The following ZNF518B variants were observed in gnomAD, a reference collection of about 807,000 sequenced individuals.
ZNF518B encodes zinc finger protein 518B.
A neutral mutation model predicts 56.3 loss-of-function variants in ZNF518B; 23 were observed. That is an observed-to-expected ratio of 0.41 (90% CI 0.29 to 0.58). The LOEUF (loss-of-function observed/expected upper bound fraction) is 0.58. ZNF518B is among the 20% of genes least tolerant of loss of function. The pLI is 0.32. For synonymous variants in ZNF518B, 529 were observed against 465.9 expected (o/e 1.14, Z -1.74); for missense variants, 1,460 against 1,272.1 (o/e 1.15, Z -2.25).
rs1211010494 is a variant in ZNF518B, at chr4:10,446,282, CCGCCGTTCAAGTG to C, written c.34_46del (p.His12AspfsTer5). On this transcript the variant is annotated frameshift_variant, in exon 3 of 3. Transcript: ENST00000326756. LOFTEE classifies it low-confidence loss of function (END_TRUNC). Reference sequence around the variant, plus strand: ...GGGTGACATGGTCAAGGAATTATGTCCGCCGTTCAAGTGTGTAGTGTATAGCTGCTGTCCAATA... The same window carrying C: ...GGGTGACATGGTCAAGGAATTATGTCTGTAGTGTATAGCTGCTGTCCAATA... 6.2e-7 allele frequency: 1 copy of C among 1,614,090 alleles called. No individual in the cohort carries two copies. Among genetic ancestry groups the C allele is most frequent in the African/African-American group, 1.3e-5 (1 of 74,928 alleles).
rs1714593096 is a variant in ZNF518B at position 10,439,892 on chromosome 4, G to C, written c.*3212C>G. 6.6e-6 allele frequency: 1 copy of C among 151,856 alleles called. No individual in the cohort carries two copies. The highest frequency in any genetic ancestry group is 2.4e-5 in the African/African-American group (1 of 40,900). The allele number at this position is 151,856 out of a possible 1,614,324, so 9.4% of individuals were successfully genotyped here. On this transcript the variant is annotated 3_prime_UTR_variant, in exon 3 of 3. Coordinates refer to ENST00000326756, the MANE Select transcript of ZNF518B (RefSeq NM_053042.3). ...ATAACGTTTGAAATCAAAGGGCAAA[G>C]AAAATTTTTGTTGCTTTATTTAACA...
rs765779149 is a variant in ZNF518B, at chr4:10,443,423, T to C, written c.2906A>G (p.Asn969Ser). The C allele has an allele frequency of 9.3e-6, 15 of 1,614,248 alleles. No individual in the cohort carries two copies. Among genetic ancestry groups the C allele is most frequent in the South Asian group, 4.4e-5 (4 of 91,084 alleles). Reference protein sequence around the residue: ...VMKVINKYKGNVLKVVLSERT... With the variant: ...VMKVINKYKGSVLKVVLSERT... ...CTCTGATAAAACAACTTTGAGGACA[T>C]TGCCTTTGTATTTATTTATTACCTT... The change falls in exon 3 of 3, where the codon AAT (asparagine) becomes AGT (serine). Residue 969 changes from asparagine (N) to serine (S), a missense_variant. By Grantham distance (46) the Asn-to-Ser change is conservative. Transcript: ENST00000326756.
At position 10,443,863 on chromosome 4, in the gene ZNF518B, G is replaced by A. The variant is rs775953033; in HGVS notation, c.2466C>T (p.Asp822=). The A allele has an allele frequency of 6.2e-7, 1 of 1,614,200 alleles. No individual in the cohort carries two copies. Among genetic ancestry groups the A allele is most frequent in the Admixed American group, 1.7e-5 (1 of 60,026 alleles). ...CCCTTTCACTTCTTAAAGGCTGTAA[G>A]TCTGAGTCCGCCTGTCTCACAGGGC... ...PFCPVRQADS[D]LQPLRSERGP... Residue 822 remains aspartate (D), a synonymous_variant, in exon 3 of 3, where the codon GAC becomes GAT. Transcript: ENST00000326756.
chr4:10,450,305 C>G (rs1207680827), intron 2 of ZNF518B, among the ~76,000 whole-genome samples: 2 of 152,220 alleles, frequency 1.3e-5, no homozygotes, highest in Non-Finnish European at 2.9e-5. Flanking sequence ...GGCTTCTGAA[C>G]TATGCTCAAG....
In ZNF518B at chr4:10,446,038, A is replaced by T. The variant is rs762619585; in HGVS notation, c.291T>A (p.Asn97Lys). 2 of 1,614,132 alleles carry T rather than the reference A, an allele frequency of 1.2e-6. No individual in the cohort carries two copies. Among genetic ancestry groups the T allele is most frequent in the South Asian group, 2.2e-5 (2 of 91,082 alleles). ...TGGAATTATTGCTCACAAAATGAAA[A>T]TTGGGAGGAGCTGCACCGAGGCTGC... ...FQCSLGAAPP[N>K]FHFVSNNSSA... The change falls in exon 3 of 3, where the codon AAT becomes AAA. Residue 97 changes from asparagine (N) to lysine (K), a missense_variant. Transcript: ENST00000326756.
chr4:10,459,668 A>C (rs527653333), upstream of ZNF518B, among the ~76,000 whole-genome samples: 88 of 152,274 alleles, frequency 5.8e-4, no homozygotes, highest in African/African-American at 1.9e-3. Flanking sequence ...AGAAAATGCC[A>C]TGAGAAGACA....
rs905154971 is a variant in ZNF518B at position 10,443,151 on chromosome 4, T to C, written c.3178A>G (p.Ile1060Val). The change falls in exon 3 of 3, where the codon ATA (isoleucine) becomes GTA (valine). Residue 1060 changes from isoleucine to valine, a missense_variant. By Grantham distance (29) the Ile-to-Val change is conservative. Transcript: ENST00000326756. Reference sequence around the variant, plus strand: ...ACATCCCAATCTCTAGTTGCTTCTATCAAATGCCGTTGGCCATGACTCATC... The same window carrying C: ...ACATCCCAATCTCTAGTTGCTTCTACCAAATGCCGTTGGCCATGACTCATC... ...EWMSHGQRHL[I>V]EATRDWDVLS... The C allele has an allele frequency of 6.2e-7, 1 of 1,614,170 alleles. No individual in the cohort carries two copies. The highest frequency in any genetic ancestry group is 1.1e-5 in the South Asian group (1 of 91,076).
chr4:10,459,682 A>T (rs1715684089), upstream of ZNF518B, among the ~76,000 whole-genome samples: 1 of 152,152 alleles, frequency 6.6e-6, no homozygotes, highest in South Asian at 2.1e-4. Context: ...GAAGACATGG[A>T]GACACACAGG....
Position 10,444,255 on chromosome 4 carries a change from C to A in ZNF518B, c.2074G>T (p.Val692Leu). The change falls in exon 3 of 3, where the codon GTA becomes TTA. Residue 692 changes from valine (V) to leucine (L), a missense_variant. Val to Leu is a conservative substitution (Grantham distance 32, BLOSUM62 1). Transcript: ENST00000326756. ...LASNSAHRRSVGQASKGTSKA... is the reference protein window; with the variant it reads ...LASNSAHRRSLGQASKGTSKA... ...GAAGTTCCCTTTGATGCCTGCCCTA[C>A]AGAGCGACGATGTGCACTATTTGAA... 6.2e-7 allele frequency: 1 copy of A among 1,614,206 alleles called. No individual in the cohort carries two copies. The highest frequency in any genetic ancestry group is 1.3e-5 in the African/African-American group (1 of 75,050).
chr4:10,449,957 G>T (rs1451739053), intron 2 of ZNF518B, among the ~76,000 whole-genome samples: 2 of 152,176 alleles, frequency 1.3e-5, no homozygotes, highest in African/African-American at 2.4e-5. Context: ...CCTTTCAAAA[G>T]TTGGGGGCGG....
At position 10,444,739 on chromosome 4, in the gene ZNF518B, A is replaced by T. The variant is rs1313695178; in HGVS notation, c.1590T>A (p.Phe530Leu). 1 of 1,613,996 alleles carries T rather than the reference A, an allele frequency of 6.2e-7. No homozygotes were observed. Among genetic ancestry groups the T allele is most frequent in the East Asian group, 2.2e-5 (1 of 44,890 alleles). ...AGGAACAGGTTGCAGGTGATGCAGC[A>T]AATGGGAGTAACTGCTGTGAGCTAC... ...LHSSSQQLLP[F>L]AASPATCSFS... The change falls in exon 3 of 3, where the codon TTT (phenylalanine) becomes TTA (leucine). Residue 530 changes from phenylalanine to leucine, a missense_variant. By Grantham distance (22) the Phe-to-Leu change is conservative (BLOSUM62 0). Coordinates refer to ENST00000326756, the MANE Select transcript of ZNF518B (RefSeq NM_053042.3).
chr4:10,445,493 G>T lies in ZNF518B; in HGVS notation c.836C>A (p.Pro279His). The change falls in exon 3 of 3, where the codon CCT (proline) becomes CAT (histidine). Residue 279 changes from proline to histidine, a missense_variant. Transcript: ENST00000326756. The stretch of plus-strand genomic sequence containing the variant: ...ATCTTTTTGGTATTCCTTTGGTTCA[G>T]GTAACAACATGATATTGTGCATTTT... ...KDKMHNIMLL[P>H]EPKEYQKDVV... 1.2e-6 allele frequency: 2 copies of T among 1,614,152 alleles called. No individual in the cohort carries two copies. The highest frequency in any genetic ancestry group is 1.7e-6 in the Non-Finnish European group (2 of 1,180,024).
chr4:10,456,345 C>T (rs1715525777), intron 1 of ZNF518B, among the ~76,000 whole-genome samples: 1 of 152,120 alleles, frequency 6.6e-6, no homozygotes, highest in South Asian at 2.1e-4. Flanking sequence ...GGTTAAGAAA[C>T]TTTCATTCTT....
chr4:10,443,016 G>A lies in ZNF518B; in HGVS notation c.*88C>T. On this transcript the variant is annotated 3_prime_UTR_variant, in exon 3 of 3. Coordinates refer to ENST00000326756, the MANE Select transcript of ZNF518B (RefSeq NM_053042.3). ...AATTAGCAGTCCTCTCATTTCTACA[G>A]TCTGTATTTCTTCTACTGAATCTTG... 1 of 1,166,736 alleles carries A rather than the reference G, an allele frequency of 8.6e-7. No homozygotes were observed. Among genetic ancestry groups the A allele is most frequent in the African/African-American group, 1.5e-5 (1 of 65,252 alleles). 72.3% of individuals were successfully genotyped at this position (1,166,736 alleles called of 1,614,324 possible). A position where few individuals can be genotyped will look rare whatever the true frequency, so the allele number is the denominator to read the frequency against.
At chr4:10,449,765 A>G (rs181754264) in intron 2 of ZNF518B, among the ~76,000 whole-genome samples, 11 of 152,372 alleles carry the variant, frequency 7.2e-5, no homozygotes, top group African/African-American at 1.9e-4. Flanking sequence ...CTATTTGAAC[A>G]TAACACCCTC....
At position 10,443,395 on chromosome 4, in the gene ZNF518B, C is replaced by A; in HGVS notation, c.2934G>T (p.Arg978Ser). Reference protein sequence around the residue: ...GNVLKVVLSERTRCQLGIRRH... With the variant: ...GNVLKVVLSESTRCQLGIRRH... ...GTCTGATGCCTAGCTGACACCTAGT[C>A]CTCTCTGATAAAACAACTTTGAGGA... Residue 978 changes from arginine (R) to serine (S), a missense_variant, in exon 3 of 3, where the codon AGG becomes AGT. Arg to Ser is a moderately radical substitution (Grantham distance 110). Transcript: ENST00000326756. The A allele has an allele frequency of 1.2e-6, 2 of 1,614,214 alleles. No individual in the cohort carries two copies. Among genetic ancestry groups the A allele is most frequent in the Non-Finnish European group, 1.7e-6 (2 of 1,180,038 alleles).
Position 10,443,887 on chromosome 4 carries a change from G to A in ZNF518B, c.2442C>T (p.Cys814=), listed in dbSNP as rs1577220073. 5.6e-6 allele frequency: 9 copies of A among 1,614,078 alleles called. No homozygotes were observed. In the East Asian group the frequency reaches 2.0e-4, roughly 36 times the overall value. The change falls in exon 3 of 3, where the codon TGC becomes TGT. Residue 814 remains cysteine (C), a synonymous_variant. Coordinates refer to ENST00000326756, the MANE Select transcript of ZNF518B (RefSeq NM_053042.3). ...ERQLIKPVPF[C]PVRQADSDLQ... ...AGTCTGAGTCCGCCTGTCTCACAGG[G>A]CAAAATGGAACTGGTTTTATTAACT...
In ZNF518B at chr4:10,449,240, C is replaced by T. The variant is rs573465179; in HGVS notation, c.-211-2701G>A. ...ATCAGAGCAAAAATGGACAATTTCC[C>T]AGGCTTCATCTCAAAGCGAGTGAAT... On this transcript the variant is annotated intron_variant, in intron 2 of 2. Transcript: ENST00000326756. 1.3e-4 allele frequency among the ~76,000 whole-genome samples: 20 copies of T among 152,280 alleles called. No individual in the cohort carries two copies. In the South Asian group the frequency reaches 1.7e-3, roughly 13 times the overall value.
chr4:10,456,261 C>G (rs1020599148), intron 1 of ZNF518B, among the ~76,000 whole-genome samples: 5 of 151,812 alleles, frequency 3.3e-5, no homozygotes, highest in African/African-American at 9.7e-5. Context: ...GGTATTGTAA[C>G]GGGATACATT....
Sources: gnomAD v4.1 joint callset for allele counts (sites outside exome capture counted in the v4.1 genomes callset) on GRCh38, gnomAD v4.1.1 for gene constraint, MANE v1.5 for transcripts, NCBI Gene and HGNC (gene_info 2026-07-23, HGNC 2026-07-21) for gene names.